The following PRDM2 variants were observed in gnomAD, a reference collection of about 807,000 sequenced individuals.
PRDM2 encodes the protein PR domain zinc finger protein 2.
In PRDM2, 30 loss-of-function variants were observed where a neutral mutation model predicts 130.0. That is an observed-to-expected ratio of 0.23 (90% CI 0.17 to 0.31). The LOEUF is 0.31. Among genes scored for constraint, PRDM2 ranks in the 10% least tolerant of loss-of-function variants. The probability of loss-of-function intolerance (pLI) is 1.00; values close to 1 mark genes in which losing one functional copy is unlikely to be tolerated. For synonymous variants in PRDM2, 871 were observed against 782.4 expected (o/e 1.11, Z -1.89); for missense variants, 2,011 against 2,108.4 (o/e 0.95, Z 0.90).
At chr1:13,716,721 G>T (rs930951361) in intron 2 of PRDM2, among the ~76,000 whole-genome samples, 1 of 152,108 alleles carries the variant, frequency 6.6e-6, no homozygotes, top group African/African-American at 2.4e-5. Context: ...TCTAGAGTAG[G>T]ATTCTTATTT....
At chr1:13,762,759 C>T (rs571121166) in intron 6 of PRDM2, among the ~76,000 whole-genome samples, 51 of 152,338 alleles carry the variant, frequency 3.3e-4, no homozygotes, top group African/African-American at 1.1e-3. Context: ...AGGTCCACAG[C>T]GCGCGCTCCT....
intron 1 of PRDM2, among the ~76,000 whole-genome samples, chr1:13,702,079 C>T (rs1047154881): frequency 6.6e-6 from 1 of 152,168 alleles, no homozygotes; most frequent in Admixed American, 6.5e-5. Flanking sequence ...GCATAACCTT[C>T]CCCTCTTCAG....
intron 8 of PRDM2, among the ~76,000 whole-genome samples, chr1:13,814,757 G>A (rs560735238): frequency 2.0e-5 from 3 of 152,240 alleles, no homozygotes; most frequent in African/African-American, 7.2e-5. Context: ...CTCCATTCCC[G>A]CCTCCTGTTC....
Position 13,816,575 on chromosome 1 carries a change from G to A in PRDM2, c.*23+5G>A, listed in dbSNP as rs780712657. ...ACTCTGGCTGCTCCCTGACAGGTAC[G>A]AGGCAGGATGGAACAGCTTCTGGCA... On this transcript the variant is annotated splice_donor_5th_base_variant and intron_variant, in intron 9 of 9. Transcript: ENST00000311066. The A allele has an allele frequency of 1.9e-6, 3 of 1,613,788 alleles. No homozygotes were observed. Among genetic ancestry groups the A allele is most frequent in the Admixed American group, 1.7e-5 (1 of 59,992 alleles).
intron 8 of PRDM2, among the ~76,000 whole-genome samples, chr1:13,815,210 G>A (rs1450192498): frequency 6.6e-6 from 1 of 152,048 alleles, no homozygotes; most frequent in East Asian, 1.9e-4. Flanking sequence ...GGGTTCAAGC[G>A]ATTCTCCTGC....
intron 6 of PRDM2, among the ~76,000 whole-genome samples, chr1:13,763,499 T>A (rs933341770): frequency 6.6e-6 from 1 of 152,198 alleles, no homozygotes; most frequent in African/African-American, 2.4e-5. Context: ...GTGGTTTTTT[T>A]CCTGAACGGT....
intron 2 of PRDM2, among the ~76,000 whole-genome samples, chr1:13,728,910 C>T (rs917496804): frequency 6.6e-5 from 10 of 152,092 alleles, no homozygotes; most frequent in Non-Finnish European, 1.2e-4. Context: ...GCCTTAAGCA[C>T]CATCTCCTGC....
intron 9 of PRDM2, among the ~76,000 whole-genome samples, chr1:13,822,672 G>A (rs1035612055): frequency 2.6e-5 from 4 of 152,008 alleles, no homozygotes; most frequent in African/African-American, 4.8e-5. Context: ...GATTACAGTC[G>A]TGAGCCACCG....
At chr1:13,757,896 G>A (rs1643998272) in intron 6 of PRDM2, among the ~76,000 whole-genome samples, 1 of 149,546 alleles carries the variant, frequency 6.7e-6, no homozygotes, top group Non-Finnish European at 1.5e-5. Flanking sequence ...CTAGCTGCTT[G>A]ACTCATACCA....
chr1:13,730,921 A>T (rs1643081786), intron 2 of PRDM2, 79 bp from the exon 3 acceptor site: 1 of 1,068,898 alleles, frequency 9.4e-7, no homozygotes. Flanking sequence ...ATACTTGCTT[A>T]TTGAACCAGA....
At chr1:13,817,596 CT>C (rs1363928135) in intron 9 of PRDM2, among the ~76,000 whole-genome samples, 2 of 151,334 alleles carry the variant, frequency 1.3e-5, no homozygotes, top group Admixed American at 6.6e-5. Context: ...ATCTAGGATG[CT>C]TTTATAAATA....
intron 8 of PRDM2, chr1:13,786,596 C>T: frequency 1.3e-6 from 2 of 1,597,784 alleles, no homozygotes; most frequent in Non-Finnish European, 1.7e-6. Context: ...AGGATAAGCA[C>T]TACGGCAAAG....
chr1:13,816,313 A>C, intron 8 of PRDM2, 114 bp from the exon 9 acceptor site: 1 of 1,350,968 alleles, frequency 7.4e-7, no homozygotes, highest in Non-Finnish European at 1.0e-6. Context: ...CAGGAAGTGC[A>C]ATCCTATCCT....
At chr1:13,713,352 A>G (rs1248036136) in intron 1 of PRDM2, among the ~76,000 whole-genome samples, 1 of 152,204 alleles carries the variant, frequency 6.6e-6, no homozygotes, top group Non-Finnish European at 1.5e-5. Context: ...AATGTAGTTA[A>G]GATGCATTAG....
intron 4 of PRDM2, among the ~76,000 whole-genome samples, chr1:13,736,889 G>A (rs1324589156): frequency 1.3e-5 from 2 of 152,204 alleles, no homozygotes; most frequent in African/African-American, 2.4e-5. Context: ...CAGGAGAATA[G>A]AGGGAAGAAG....
At chr1:13,735,378 T>A (rs1179323843) in intron 4 of PRDM2, among the ~76,000 whole-genome samples, 3 of 152,236 alleles carry the variant, frequency 2.0e-5, no homozygotes, top group Non-Finnish European at 2.9e-5. Context: ...TTCGTTCTCT[T>A]GACTCTCCCC....
At chr1:13,786,474 A>G in intron 8 of PRDM2, 2 of 1,604,222 alleles carry the variant, frequency 1.2e-6, no homozygotes, top group South Asian at 1.1e-5. Context: ...ATGTAAGGTT[A>G]TGTTCTGTTG....
At chr1:13,704,630 AGTCT>A (rs1217365526) in intron 1 of PRDM2, among the ~76,000 whole-genome samples, 2 of 152,224 alleles carry the variant, frequency 1.3e-5, no homozygotes, top group African/African-American at 4.8e-5. Flanking sequence ...TATAGGGGGC[AGTCT>A]GTCTGGAAAT....
intron 6 of PRDM2, among the ~76,000 whole-genome samples, chr1:13,750,354 T>A (rs1040232912): frequency 2.0e-5 from 3 of 152,066 alleles, no homozygotes; most frequent in African/African-American, 7.2e-5. Flanking sequence ...TAGTTTCTTA[T>A]TGATACAAAT....
Sources: gnomAD v4.1 joint callset for allele counts (sites outside exome capture counted in the v4.1 genomes callset) on GRCh38, gnomAD v4.1.1 for gene constraint, MANE v1.5 for transcripts, NCBI Gene and HGNC (gene_info 2026-07-23, HGNC 2026-07-21) for gene names.